The following VPS54 variants were observed in gnomAD, a reference collection of about 807,000 sequenced individuals.
VPS54 encodes the protein vacuolar protein sorting-associated protein 54.
Under a neutral mutation model 121.5 loss-of-function variants are expected in VPS54, and 45 were observed. The observed-to-expected ratio is 0.37, with a 90% CI of 0.29 to 0.47. The LOEUF (loss-of-function observed/expected upper bound fraction) is 0.47, where lower values mean the gene tolerates loss of function less well. Among genes scored for constraint, VPS54 ranks in the 20% least tolerant of loss-of-function variants. The pLI, the probability that VPS54 is intolerant of heterozygous loss-of-function variation, is 0.99. For synonymous variants in VPS54, 371 were observed against 385.8 expected (o/e 0.96, Z 0.45); for missense variants, 1,090 against 1,131.4 (o/e 0.96, Z 0.52).
Position 64,003,923 on chromosome 2 carries a change from A to G in VPS54, c.-21+15015T>C, listed in dbSNP as rs189885138. ...CTGTTTCTAAATACCACTTCCAACT[A>G]AAAGAACCAGGACTCTTTGAAAGAA... On this transcript the variant is annotated intron_variant, in intron 1 of 22. Coordinates refer to ENST00000272322, the MANE Select transcript of VPS54 (RefSeq NM_016516.3). Among the ~76,000 whole-genome samples the G allele has an allele frequency of 2.1e-4, 32 of 152,300 alleles. No homozygotes were observed. The East Asian group carries it at 5.0e-3, about 24-fold the overall frequency.
At chr2:63,993,832 T>C (rs1333240388) in intron 1 of VPS54, among the ~76,000 whole-genome samples, 1 of 152,230 alleles carries the variant, frequency 6.6e-6, no homozygotes, top group East Asian at 1.9e-4. Context: ...ATGGCTCCAG[T>C]AATGGAAATG....
At position 63,893,406 on chromosome 2, in the gene VPS54, A is replaced by G. The variant is rs772645019; in HGVS notation, c.*24T>C. On this transcript the variant is annotated 3_prime_UTR_variant, in exon 23 of 23. Transcript: ENST00000272322. Reference sequence around the variant, plus strand: ...ACAAACACATCCCATGGTCAGATGAACTACCCAGTTTTCCAGGATGACATC... The same window carrying G: ...ACAAACACATCCCATGGTCAGATGAGCTACCCAGTTTTCCAGGATGACATC... The G allele has an allele frequency of 1.9e-6, 3 of 1,587,470 alleles. No individual in the cohort carries two copies. The South Asian group carries it at 3.3e-5, about 18-fold the overall frequency.
chr2:64,003,531 T>C (rs1236629558), intron 1 of VPS54, among the ~76,000 whole-genome samples: 1 of 152,220 alleles, frequency 6.6e-6, no homozygotes, highest in Admixed American at 6.5e-5. Flanking sequence ...TTTTTCTGTG[T>C]ATTCTATTTG....
intron 7 of VPS54, among the ~76,000 whole-genome samples, chr2:63,956,885 A>G (rs1405678318): frequency 1.3e-5 from 2 of 152,182 alleles, no homozygotes; most frequent in Non-Finnish European, 2.9e-5. Context: ...AAAGCTTTAC[A>G]GTAAGAGCAA....
chr2:63,967,544 C>T (rs1325025721), intron 5 of VPS54, among the ~76,000 whole-genome samples: 1 of 151,634 alleles, frequency 6.6e-6, no homozygotes, highest in Non-Finnish European at 1.5e-5. Context: ...CGTGGCAAAA[C>T]CCCGTCTCTT....
In VPS54 at chr2:63,917,133, T is replaced by G. The variant is rs555303189; in HGVS notation, c.2165-170A>C. On this transcript the variant is annotated intron_variant, in intron 15 of 22. Coordinates refer to ENST00000272322, the MANE Select transcript of VPS54 (RefSeq NM_016516.3). Reference sequence around the variant, plus strand: ...ACAGTAAATAAAGTATACTGGAAGTTGGAGAGATTTGGATTTGAGTACCAG... The same window carrying G: ...ACAGTAAATAAAGTATACTGGAAGTGGGAGAGATTTGGATTTGAGTACCAG... Among the ~76,000 whole-genome samples, 6 of 152,190 alleles carry G rather than the reference T, an allele frequency of 3.9e-5. 1 individual carries two copies. In the South Asian group the frequency reaches 1.0e-3, roughly 26 times the overall value.
intron 1 of VPS54, among the ~76,000 whole-genome samples, chr2:64,006,605 A>C (rs1232402105): frequency 6.6e-6 from 1 of 152,106 alleles, no homozygotes; most frequent in African/African-American, 2.4e-5. Flanking sequence ...TTCAATAAAT[A>C]ATTGCAACAA....
chr2:63,958,445 G>A (rs555981668), intron 7 of VPS54, among the ~76,000 whole-genome samples: 1 of 152,266 alleles, frequency 6.6e-6, no homozygotes, highest in African/African-American at 2.4e-5. Flanking sequence ...TTTGAAAACA[G>A]AGATTTGCAT....
At chr2:63,907,849 C>T (rs1224205855) in intron 20 of VPS54, among the ~76,000 whole-genome samples, 3 of 152,096 alleles carry the variant, frequency 2.0e-5, no homozygotes, top group African/African-American at 7.2e-5. Flanking sequence ...AATTATGTAA[C>T]TTAAAACCAC....
At chr2:63,976,366 A>AC (rs1253262224) in intron 3 of VPS54, among the ~76,000 whole-genome samples, 5 of 148,742 alleles carry the variant, frequency 3.4e-5, no homozygotes, top group African/African-American at 7.4e-5. Context: ...AAAAAAAAAC[A>AC]AAAAACAAAA....
intron 3 of VPS54, among the ~76,000 whole-genome samples, chr2:63,976,811 A>G (rs940403806): frequency 7.0e-6 from 1 of 143,718 alleles, no homozygotes; most frequent in Non-Finnish European, 1.5e-5. Flanking sequence ...TGATACTAGT[A>G]GCTTATATCT....
At chr2:64,017,858 G>A (rs971774350) in intron 1 of VPS54, among the ~76,000 whole-genome samples, 1 of 152,144 alleles carries the variant, frequency 6.6e-6, no homozygotes, top group East Asian at 1.9e-4. Flanking sequence ...AAGCAATGAT[G>A]AGCACTACGA....
At chr2:63,945,041 A>G (rs556676283) in intron 9 of VPS54, among the ~76,000 whole-genome samples, 2 of 152,322 alleles carry the variant, frequency 1.3e-5, no homozygotes, top group Admixed American at 6.5e-5. Flanking sequence ...TACTGGTTAC[A>G]TACCCAGAGG....
intron 8 of VPS54, among the ~76,000 whole-genome samples, chr2:63,948,827 T>G (rs1675109759): frequency 6.6e-6 from 1 of 152,204 alleles, no homozygotes; most frequent in African/African-American, 2.4e-5. Flanking sequence ...AATTTCTAAT[T>G]AAGCTATACA....
At chr2:63,931,313 A>T (rs1674189747) in intron 12 of VPS54, among the ~76,000 whole-genome samples, 1 of 152,186 alleles carries the variant, frequency 6.6e-6, no homozygotes, top group African/African-American at 2.4e-5. Flanking sequence ...AGATATATAG[A>T]CCAATGGAAC....
In VPS54 at chr2:63,920,013, G is replaced by T; in HGVS notation, c.2052-18C>A. 1 of 1,586,442 alleles carries T rather than the reference G, an allele frequency of 6.3e-7. No homozygotes were observed. Among genetic ancestry groups the T allele is most frequent in the Non-Finnish European group, 8.6e-7 (1 of 1,164,752 alleles). On this transcript the variant is annotated intron_variant, in intron 14 of 22. Coordinates refer to ENST00000272322, the MANE Select transcript of VPS54 (RefSeq NM_016516.3). ...AGAGGAGGCTAGTCCACAGTAAGGA[G>T]AAAAGAAGGTAAACTTTAACATTTC...
rs79723132 is a variant in VPS54 at position 63,936,713 on chromosome 2, C to T, written c.1399-2700G>A. On this transcript the variant is annotated intron_variant, in intron 11 of 22. Transcript: ENST00000272322. ...AAGAATTTAATAAAAAGTCAAAATA[C>T]AATCGTAAAGAATGAAGTATGGAAG... Among the ~76,000 whole-genome samples, 738 of 152,186 alleles carry T rather than the reference C, an allele frequency of 4.8e-3. 10 individuals are homozygous for T. Among genetic ancestry groups the T allele is most frequent in the African/African-American group, 0.016 (685 of 41,548 alleles).
chr2:64,004,397 C>T (rs1355955577), intron 1 of VPS54, among the ~76,000 whole-genome samples: 2 of 152,164 alleles, frequency 1.3e-5, no homozygotes, highest in East Asian at 3.9e-4. Context: ...AGTATTACCT[C>T]ACAGATTACT....
chr2:63,988,764 A>G (rs1282841358), intron 1 of VPS54, among the ~76,000 whole-genome samples: 1 of 152,154 alleles, frequency 6.6e-6, no homozygotes, highest in East Asian at 1.9e-4. Flanking sequence ...ACTGTTCGTA[A>G]AGCATGTATG....
Sources: gnomAD v4.1 joint callset for allele counts (sites outside exome capture counted in the v4.1 genomes callset) on GRCh38, gnomAD v4.1.1 for gene constraint, MANE v1.5 for transcripts, NCBI Gene and HGNC (gene_info 2026-07-23, HGNC 2026-07-21) for gene names.